Variants in MDGA2 observed in about 807,000 individuals in gnomAD.
MDGA2 encodes the protein MAM domain containing glycosylphosphatidylinositol anchor 2.
MDGA2 carries 40 observed loss-of-function variants against 117.8 expected under a neutral mutation model. That is an observed-to-expected ratio of 0.34 (90% CI 0.26 to 0.44). The LOEUF (loss-of-function observed/expected upper bound fraction) is 0.44, where lower values mean the gene tolerates loss of function less well. Ranked by LOEUF, MDGA2 falls within the 20% of genes least tolerant of loss-of-function variation. The pLI, the probability that MDGA2 is intolerant of heterozygous loss-of-function variation, is 1.00. For missense variants in MDGA2, 1,123 were observed against 1,250.6 expected (o/e 0.90, Z 1.54); for synonymous variants, 452 against 439.0 (o/e 1.03, Z -0.37).
chr14:47,086,810 C>G (rs1450020997), intron 6 of MDGA2, among the ~76,000 whole-genome samples: 1 of 152,070 alleles, frequency 6.6e-6, no homozygotes, highest in African/African-American at 2.4e-5. Flanking sequence ...TTTCTATCTC[C>G]CTAATCAGAA....
chr14:47,654,064 A>G (rs1380259429), intron 1 of MDGA2, among the ~76,000 whole-genome samples: 15 of 152,174 alleles, frequency 9.9e-5, no homozygotes, highest in African/African-American at 3.6e-4. Context: ...TAACACAACC[A>G]TCAATTTAAG....
At chr14:47,222,042 A>G (rs1446373378) in intron 2 of MDGA2, among the ~76,000 whole-genome samples, 1 of 151,978 alleles carries the variant, frequency 6.6e-6, no homozygotes, top group South Asian at 2.1e-4. Flanking sequence ...TATGCAATAG[A>G]CCACTATACA....
At chr14:47,360,486 C>G (rs1044345920) in intron 1 of MDGA2, among the ~76,000 whole-genome samples, 7 of 152,044 alleles carry the variant, frequency 4.6e-5, no homozygotes, top group Admixed American at 4.6e-4. Flanking sequence ...TGAAAAGGTG[C>G]TTTCCCAATG....
rs150184076 is a variant in MDGA2 at position 47,621,069 on chromosome 14, C to T, written c.280+53448G>A. Among the ~76,000 whole-genome samples the T allele has an allele frequency of 5.3e-3, 800 of 152,210 alleles. 7 individuals carry two copies. Among genetic ancestry groups the T allele is most frequent in the African/African-American group, 0.018 (756 of 41,526 alleles). On this transcript the variant is annotated intron_variant, in intron 1 of 16. Transcript: ENST00000399232. ...TTTGAAATTTTGGTCACCCTCCTTCCGCTGGCCAAATTAATGATCTTTATG... is the reference window on the plus strand; with the variant it reads ...TTTGAAATTTTGGTCACCCTCCTTCTGCTGGCCAAATTAATGATCTTTATG...
intron 1 of MDGA2, among the ~76,000 whole-genome samples, chr14:47,645,691 C>T (rs957970069): frequency 6.6e-6 from 1 of 151,904 alleles, no homozygotes; most frequent in African/African-American, 2.4e-5. Flanking sequence ...CCAGCACTAA[C>T]AAAAATGCTT....
intron 3 of MDGA2, among the ~76,000 whole-genome samples, chr14:47,172,068 C>G (rs1036262937): frequency 6.6e-6 from 1 of 152,138 alleles, no homozygotes; most frequent in Non-Finnish European, 1.5e-5. Flanking sequence ...TGAGATCAAA[C>G]TGCAAGGTGG....
At chr14:46,939,195 T>C (rs1465160502) in intron 9 of MDGA2, among the ~76,000 whole-genome samples, 3 of 152,306 alleles carry the variant, frequency 2.0e-5, no homozygotes, top group African/African-American at 7.2e-5. Flanking sequence ...TGTAGTGTTC[T>C]ATAGCACTGT....
intron 5 of MDGA2, among the ~76,000 whole-genome samples, chr14:47,115,366 A>G (rs1173673842): frequency 6.6e-6 from 1 of 152,028 alleles, no homozygotes; most frequent in African/African-American, 2.4e-5. Flanking sequence ...TGCATTGAAG[A>G]TGTCTGGATG....
intron 3 of MDGA2, among the ~76,000 whole-genome samples, chr14:47,163,428 G>C (rs991667478): frequency 2.0e-5 from 3 of 152,152 alleles, no homozygotes; most frequent in Admixed American, 2.0e-4. Context: ...GGGGGTGGGG[G>C]GTCTTTACCA....
intron 10 of MDGA2, among the ~76,000 whole-genome samples, chr14:46,889,955 C>G (rs990459757): frequency 5.9e-5 from 9 of 151,966 alleles, no homozygotes; most frequent in Non-Finnish European, 8.8e-5. Flanking sequence ...CACTCTATTG[C>G]CTTTCTTTAT....
chr14:47,129,245 C>CG (rs893680698), intron 5 of MDGA2, among the ~76,000 whole-genome samples: 5 of 151,724 alleles, frequency 3.3e-5, no homozygotes, highest in Admixed American at 2.0e-4. Flanking sequence ...TAGCTCCCCC[C>CG]CCGACCCCAC....
At chr14:47,329,872 C>T (rs73251854) in intron 1 of MDGA2, among the ~76,000 whole-genome samples, 6,180 of 151,882 alleles carry the variant, frequency 0.041, 169 homozygotes, top group African/African-American at 0.076. Context: ...AAAAGCCACA[C>T]CTTTAGACGT....
chr14:47,013,485 C>T (rs1887966584), intron 8 of MDGA2, among the ~76,000 whole-genome samples: 1 of 151,902 alleles, frequency 6.6e-6, no homozygotes, highest in Non-Finnish European at 1.5e-5. Flanking sequence ...TCTTGAATCC[C>T]TCCTCCATAA....
intron 3 of MDGA2, among the ~76,000 whole-genome samples, chr14:47,181,942 T>C (rs1274919239): frequency 2.0e-5 from 3 of 152,188 alleles, no homozygotes; most frequent in Admixed American, 6.6e-5. Context: ...TATTAAAAAG[T>C]TGAAACTGAA....
At chr14:47,412,257 C>T (rs1892388930) in intron 1 of MDGA2, among the ~76,000 whole-genome samples, 2 of 151,976 alleles carry the variant, frequency 1.3e-5, no homozygotes, top group African/African-American at 4.8e-5. Flanking sequence ...AGAAGAAAAA[C>T]AAAACAGAAA....
chr14:46,854,920 T>A, intron 15 of MDGA2, 104 bp downstream of exon 15: 1 of 1,047,408 alleles, frequency 9.5e-7, no homozygotes, highest in Non-Finnish European at 1.3e-6. Flanking sequence ...GTGATGCTTA[T>A]ATCGTGGAAT....
At chr14:47,106,765 G>T (rs1268682292) in intron 5 of MDGA2, among the ~76,000 whole-genome samples, 2 of 148,078 alleles carry the variant, frequency 1.4e-5, no homozygotes, top group Non-Finnish European at 3.0e-5. Context: ...CAATACAGAG[G>T]CTACTCACTC....
At chr14:47,453,481 T>C (rs1214200957) in intron 1 of MDGA2, among the ~76,000 whole-genome samples, 1 of 152,070 alleles carries the variant, frequency 6.6e-6, no homozygotes, top group East Asian at 1.9e-4. Context: ...CCGAAATAAG[T>C]ATCATAATCA....
At chr14:47,464,144 C>G (rs951452856) in intron 1 of MDGA2, among the ~76,000 whole-genome samples, 14 of 149,032 alleles carry the variant, frequency 9.4e-5, no homozygotes, top group African/African-American at 3.5e-4. Context: ...CACACACACA[C>G]AGAGCCTCTG....
Sources: gnomAD v4.1 joint callset for allele counts (sites outside exome capture counted in the v4.1 genomes callset) on GRCh38, gnomAD v4.1.1 for gene constraint, MANE v1.5 for transcripts, NCBI Gene and HGNC (gene_info 2026-07-23, HGNC 2026-07-21) for gene names.